DGKB: variants seen among roughly 807,000 people sequenced by gnomAD.
DGKB encodes diacylglycerol kinase beta.
Under a neutral mutation model 114.3 loss-of-function variants are expected in DGKB, and 67 were observed. That is an observed-to-expected ratio of 0.59 (90% CI 0.48 to 0.72). DGKB has a LOEUF of 0.72. Ranked by LOEUF, DGKB falls within the 30% of genes least tolerant of loss-of-function variation. The pLI, the probability that DGKB is intolerant of heterozygous loss-of-function variation, is 0.00. For missense variants in DGKB, 907 were observed against 975.2 expected (o/e 0.93, Z 0.93); for synonymous variants, 398 against 323.1 (o/e 1.23, Z -2.49).
intron 21 of DGKB, among the ~76,000 whole-genome samples, chr7:14,464,468 C>T (rs904813244): frequency 6.6e-6 from 1 of 152,040 alleles, no homozygotes; most frequent in Non-Finnish European, 1.5e-5. Context: ...CAAACTGTGT[C>T]TACATATTAA....
intron 1 of DGKB, among the ~76,000 whole-genome samples, chr7:14,939,048 A>G (rs900151214): frequency 6.7e-6 from 1 of 149,246 alleles, no homozygotes; most frequent in Non-Finnish European, 1.5e-5. Flanking sequence ...AAAGACCATA[A>G]GCCTTTCTCT....
At chr7:14,821,898 G>A (rs1482099943) in intron 2 of DGKB, among the ~76,000 whole-genome samples, 3 of 152,252 alleles carry the variant, frequency 2.0e-5, no homozygotes, top group East Asian at 1.9e-4. Context: ...CATAAATTAA[G>A]AGAAATGGTG....
intron 6 of DGKB, among the ~76,000 whole-genome samples, chr7:14,716,245 G>A (rs781535910): frequency 2.6e-5 from 4 of 152,098 alleles, no homozygotes; most frequent in Admixed American, 1.3e-4. Context: ...AATAGCATCC[G>A]CATCACCTGG....
chr7:14,321,480 A>G (rs1023926064), intron 23 of DGKB, among the ~76,000 whole-genome samples: 28 of 152,142 alleles, frequency 1.8e-4, no homozygotes, highest in African/African-American at 6.5e-4. Context: ...TACAAGGAAC[A>G]TTAGAGAAAT....
At chr7:14,585,218 G>A (rs944541206) in intron 17 of DGKB, among the ~76,000 whole-genome samples, 11 of 151,754 alleles carry the variant, frequency 7.2e-5, no homozygotes, top group Non-Finnish European at 1.3e-4. Flanking sequence ...TATTTTATTC[G>A]GTTCTAATAC....
chr7:14,852,486 T>TAAAAAAAAAAAAAAAAAAAA (rs1554304182), intron 1 of DGKB, among the ~76,000 whole-genome samples: 4 of 7,776 alleles, frequency 5.1e-4, no homozygotes, highest in Admixed American at 1.6e-3. Context: ...ATAGTGAAAG[T>TAAAAAAAAAAAAAAAAAAAA]CAAAAAAAAA....
chr7:14,478,589 T>C (rs1782540768), intron 20 of DGKB, among the ~76,000 whole-genome samples: 1 of 152,098 alleles, frequency 6.6e-6, no homozygotes, highest in Non-Finnish European at 1.5e-5. Flanking sequence ...AAAATACTGT[T>C]AAACAAGAGT....
rs751144425 is a variant in DGKB, at chr7:14,481,007, ATTT to A, written c.1771-2785_1771-2783del. Among the ~76,000 whole-genome samples, 662 of 152,088 alleles carry A rather than the reference ATTT, an allele frequency of 4.4e-3. 3 individuals are homozygous for A. Among genetic ancestry groups the A allele is most frequent in the Non-Finnish European group, 4.1e-3 (280 of 67,904 alleles). On this transcript the variant is annotated intron_variant, in intron 20 of 25. Coordinates refer to ENST00000402815, the MANE Select transcript of DGKB (RefSeq NM_001350709.2). ...TTATTTCCTTAACCTATATAGCTTT[ATTT>A]TTAATTAATTAAAAAAATCTAAGAA...
At chr7:14,220,408 C>T (rs1011315254) in intron 23 of DGKB, among the ~76,000 whole-genome samples, 1 of 151,406 alleles carries the variant, frequency 6.6e-6, no homozygotes, top group Non-Finnish European at 1.5e-5. Context: ...TCTTGGCACT[C>T]TTATCTAAAA....
At position 14,373,273 on chromosome 7, in the gene DGKB, C is replaced by T. The variant is rs897573023; in HGVS notation, c.1836-27882G>A. On this transcript the variant is annotated intron_variant, in intron 21 of 25. Transcript: ENST00000402815. Reference sequence around the variant, plus strand: ...GGCTGTTTGTTACCTTGGTGTAACGCTTCCTAACATGTTTAAAACATTCAC... The same window carrying T: ...GGCTGTTTGTTACCTTGGTGTAACGTTTCCTAACATGTTTAAAACATTCAC... Among the ~76,000 whole-genome samples the T allele has an allele frequency of 2.6e-5, 4 of 152,110 alleles. No individual in the cohort carries two copies. In the South Asian group the frequency reaches 6.2e-4, roughly 24 times the overall value.
chr7:14,470,962 A>T (rs1781196800), intron 21 of DGKB, among the ~76,000 whole-genome samples: 1 of 151,254 alleles, frequency 6.6e-6, no homozygotes, highest in African/African-American at 2.4e-5. Context: ...TTGATATAGC[A>T]TTTTTCTGTC....
chr7:14,814,527 A>T (rs1448093978), intron 2 of DGKB, among the ~76,000 whole-genome samples: 2 of 152,282 alleles, frequency 1.3e-5, no homozygotes, highest in East Asian at 3.9e-4. Flanking sequence ...TTTTAAATTA[A>T]TTTTTTATTA....
intron 25 of DGKB, among the ~76,000 whole-genome samples, chr7:14,164,684 C>T (rs1255182343): frequency 6.6e-6 from 1 of 152,100 alleles, no homozygotes. Flanking sequence ...GCTACATTTT[C>T]TGTAACACTT....
intron 6 of DGKB, among the ~76,000 whole-genome samples, chr7:14,704,447 C>CAAAAAAA (rs774905779): frequency 7.5e-5 from 4 of 53,222 alleles, no homozygotes; most frequent in Admixed American, 2.2e-4. Context: ...GACTCCATCT[C>CAAAAAAA]AAAAAAAAAA....
chr7:14,249,274 G>C (rs543214040), intron 23 of DGKB, among the ~76,000 whole-genome samples: 1 of 152,084 alleles, frequency 6.6e-6, no homozygotes, highest in East Asian at 1.9e-4. Context: ...TTGCATCTAT[G>C]TTCATCAGGA....
chr7:14,284,870 G>A (rs1336751712), intron 23 of DGKB, among the ~76,000 whole-genome samples: 1 of 113,470 alleles, frequency 8.8e-6, no homozygotes, highest in Non-Finnish European at 1.8e-5. Context: ...TTGGGGTGGG[G>A]GGAGGGGGGA....
At chr7:14,679,433 A>G (rs1354890783) in intron 12 of DGKB, among the ~76,000 whole-genome samples, 2 of 151,996 alleles carry the variant, frequency 1.3e-5, no homozygotes, top group Non-Finnish European at 2.9e-5. Context: ...ACAACTAGTA[A>G]GTGAGGAGAC....
chr7:14,939,903 A>T (rs141525605), intron 1 of DGKB, among the ~76,000 whole-genome samples: 1 of 151,874 alleles, frequency 6.6e-6, no homozygotes. Flanking sequence ...GTGAGCCACC[A>T]CACCCAGCCA....
At chr7:14,821,260 T>C (rs893140785) in intron 2 of DGKB, among the ~76,000 whole-genome samples, 3 of 152,192 alleles carry the variant, frequency 2.0e-5, no homozygotes, top group African/African-American at 7.2e-5. Context: ...CCCATACTTA[T>C]TGAGTGCCTA....
Sources: gnomAD v4.1 joint callset for allele counts (sites outside exome capture counted in the v4.1 genomes callset) on GRCh38, gnomAD v4.1.1 for gene constraint, MANE v1.5 for transcripts, NCBI Gene and HGNC (gene_info 2026-07-23, HGNC 2026-07-21) for gene names.